The following TBCE variants were observed in gnomAD, a reference collection of about 807,000 sequenced individuals.
TBCE encodes the protein tubulin-specific chaperone E.
In TBCE, 53 loss-of-function variants were observed where a neutral mutation model predicts 77.0. That is an observed-to-expected ratio of 0.69 (90% CI 0.55 to 0.87). The LOEUF (loss-of-function observed/expected upper bound fraction) is 0.87, where lower values mean the gene tolerates loss of function less well. Among genes scored for constraint, TBCE ranks in the 40% least tolerant of loss-of-function variants. The probability of loss-of-function intolerance (pLI) is 0.00; values close to 1 mark genes in which losing one functional copy is unlikely to be tolerated. For missense variants in TBCE, 624 were observed against 622.4 expected (o/e 1.00, Z -0.03); for synonymous variants, 235 against 241.3 (o/e 0.97, Z 0.24).
At chr1:235,448,069 T>C (rs1247788668) in intron 15 of TBCE, among the ~76,000 whole-genome samples, 3 of 151,774 alleles carry the variant, frequency 2.0e-5, no homozygotes, top group Non-Finnish European at 2.9e-5. Flanking sequence ...GTTAGCTGGG[T>C]GTGGTGATGG....
At chr1:235,385,415 G>A (rs1369591156) in intron 2 of TBCE, among the ~76,000 whole-genome samples, 2 of 151,858 alleles carry the variant, frequency 1.3e-5, no homozygotes, top group Admixed American at 1.3e-4. Flanking sequence ...TTGACAGTGG[G>A]GTGTTAAAGT....
In TBCE at chr1:235,451,867, T is replaced by C. The variant is rs1168881871; in HGVS notation, c.*3105T>C. On this transcript the variant is annotated 3_prime_UTR_variant, in exon 17 of 17. Coordinates refer to ENST00000642610, the MANE Select transcript of TBCE (RefSeq NM_003193.5). ...TTTCTTCCCAGGGCTCTAGTTTCCA[T>C]TTTGGTCTCTGCAGATTCATTTTTT... 1.3e-5 allele frequency: 2 copies of C among 152,200 alleles called. No homozygotes were observed. Among genetic ancestry groups the C allele is most frequent in the African/African-American group, 4.8e-5 (2 of 41,456 alleles). The allele number at this position is 152,200 out of a possible 1,614,324, so 9.4% of individuals were successfully genotyped here. A position where few individuals can be genotyped will look rare whatever the true frequency, so the allele number is the denominator to read the frequency against.
intron 2 of TBCE, among the ~76,000 whole-genome samples, chr1:235,383,763 T>C (rs993993605): frequency 1.5e-4 from 23 of 152,170 alleles, no homozygotes; most frequent in Non-Finnish European, 2.9e-4. Flanking sequence ...CATCTGCAAA[T>C]AGGGATAATT....
intron 3 of TBCE, among the ~76,000 whole-genome samples, chr1:235,412,032 T>TGG (rs1431604823): frequency 1.4e-5 from 2 of 143,316 alleles, no homozygotes; most frequent in Non-Finnish European, 3.0e-5. Flanking sequence ...TGACCTGGTT[T>TGG]TAGCATTGGA....
At chr1:235,383,667 G>T (rs1372806711) in intron 2 of TBCE, among the ~76,000 whole-genome samples, 1 of 152,160 alleles carries the variant, frequency 6.6e-6, no homozygotes, top group Non-Finnish European at 1.5e-5. Context: ...CATTGATTTT[G>T]TAACCTGAGA....
Position 235,450,674 on chromosome 1 carries a change from A to T in TBCE, c.*1912A>T, listed in dbSNP as rs1682843838. On this transcript the variant is annotated 3_prime_UTR_variant, in exon 17 of 17. Coordinates refer to ENST00000642610, the MANE Select transcript of TBCE (RefSeq NM_003193.5). ...AGGTGTGTCTATGGCAGTATTAGTA[A>T]CAGCTATTATTCTGATGGAATGCTT... The T allele has an allele frequency of 4.0e-6, 1 of 251,014 alleles. No individual in the cohort carries two copies. The highest frequency in any genetic ancestry group is 2.2e-5 in the African/African-American group (1 of 45,250). 15.5% of individuals were successfully genotyped at this position (251,014 alleles called of 1,614,324 possible).
intron 2 of TBCE, among the ~76,000 whole-genome samples, chr1:235,399,977 A>G (rs1112500): frequency 0.056 from 8,455 of 152,290 alleles, 429 homozygotes; most frequent in African/African-American, 0.13. Context: ...AGCAGAGGAA[A>G]GACATGGTTT....
At chr1:235,389,588 C>T (rs1401401623) in intron 2 of TBCE, among the ~76,000 whole-genome samples, 1 of 152,034 alleles carries the variant, frequency 6.6e-6, no homozygotes, top group Non-Finnish European at 1.5e-5. Context: ...ATCTCTACCT[C>T]CCAAAGTGCT....
At chr1:235,445,445 A>G (rs1474532636) in intron 15 of TBCE, among the ~76,000 whole-genome samples, 3 of 152,186 alleles carry the variant, frequency 2.0e-5, no homozygotes, top group African/African-American at 7.2e-5. Flanking sequence ...CCTGAGCAAC[A>G]TGGTGAAACC....
chr1:235,392,412 T>C (rs1414176557), intron 2 of TBCE, among the ~76,000 whole-genome samples: 6 of 148,534 alleles, frequency 4.0e-5, no homozygotes, highest in African/African-American at 9.8e-5. Flanking sequence ...TTTTTTTTTT[T>C]TTTTTTTTTT....
intron 2 of TBCE, among the ~76,000 whole-genome samples, chr1:235,398,324 T>C (rs1436152264): frequency 6.6e-6 from 1 of 151,852 alleles, no homozygotes; most frequent in Non-Finnish European, 1.5e-5. Flanking sequence ...TTTTCTATTT[T>C]TAGTAGAGAT....
At chr1:235,397,329 G>A (rs1678798832) in intron 2 of TBCE, among the ~76,000 whole-genome samples, 1 of 151,728 alleles carries the variant, frequency 6.6e-6, no homozygotes, top group East Asian at 1.9e-4. Flanking sequence ...AGCCTCCCGA[G>A]CAGCTGGGAC....
chr1:235,388,262 G>A (rs1211798423), intron 2 of TBCE, among the ~76,000 whole-genome samples: 3 of 149,470 alleles, frequency 2.0e-5, no homozygotes, highest in Non-Finnish European at 4.4e-5. Context: ...CATTGCCCAT[G>A]CCCTTTCTTC....
intron 1 of TBCE, among the ~76,000 whole-genome samples, chr1:235,375,277 A>G (rs1558343200): frequency 6.6e-6 from 1 of 152,138 alleles, no homozygotes; most frequent in Non-Finnish European, 1.5e-5. Flanking sequence ...CCAACATTTA[A>G]GTGGGCTATC....
intron 8 of TBCE, among the ~76,000 whole-genome samples, chr1:235,434,600 G>A (rs1336344762): frequency 6.8e-6 from 1 of 148,056 alleles, no homozygotes; most frequent in African/African-American, 2.5e-5. Flanking sequence ...GTGCAGTGGC[G>A]ATCTTGGCTC....
rs139546852 is a variant in TBCE at position 235,447,253 on chromosome 1, G to T, written c.1400-1096G>T. On this transcript the variant is annotated intron_variant, in intron 15 of 16. Transcript: ENST00000642610. ...AAAGAACATTTATTATCACAAGTTGGATAAAAACACACAGCTTTTACAAAA... is the reference window on the plus strand; with the variant it reads ...AAAGAACATTTATTATCACAAGTTGTATAAAAACACACAGCTTTTACAAAA... Among the ~76,000 whole-genome samples the T allele has an allele frequency of 5.2e-4, 79 of 152,168 alleles. 1 individual carries two copies. In the East Asian group the frequency reaches 0.015, roughly 29 times the overall value.
chr1:235,417,979 A>C (rs927029835), intron 4 of TBCE, among the ~76,000 whole-genome samples: 6 of 152,054 alleles, frequency 3.9e-5, no homozygotes, highest in African/African-American at 7.3e-5. Context: ...ACAGGGTTTC[A>C]CCATGTTGGC....
chr1:235,439,217 C>G (rs980018316), intron 13 of TBCE, among the ~76,000 whole-genome samples: 12 of 151,642 alleles, frequency 7.9e-5, no homozygotes, highest in African/African-American at 2.7e-4. Flanking sequence ...GTTGGCCGGG[C>G]GCGGTGGCTC....
chr1:235,443,956 C>G (rs1189682641), intron 15 of TBCE, among the ~76,000 whole-genome samples: 6 of 152,076 alleles, frequency 3.9e-5, no homozygotes, highest in Non-Finnish European at 5.9e-5. Context: ...ACTGTGAATT[C>G]TCAAGATTAA....
Sources: gnomAD v4.1 joint callset for allele counts (sites outside exome capture counted in the v4.1 genomes callset) on GRCh38, gnomAD v4.1.1 for gene constraint, MANE v1.5 for transcripts, NCBI Gene and HGNC (gene_info 2026-07-23, HGNC 2026-07-21) for gene names.